The following HSD17B14 variants were observed in gnomAD, a reference collection of about 807,000 sequenced individuals.
HSD17B14 encodes L-fucose dehydrogenase.
A neutral mutation model predicts 32.2 loss-of-function variants in HSD17B14; 32 were observed. That is an observed-to-expected ratio of 0.99 (90% CI 0.75 to 1.33). The LOEUF is 1.33. Among genes scored for constraint, HSD17B14 ranks in the 40% most tolerant of loss-of-function variants. HSD17B14 has a pLI of 0.00. For synonymous variants in HSD17B14, 140 were observed against 155.4 expected, an observed-to-expected ratio of 0.90 and a Z score of 0.74; for missense variants, 370 against 366.5, an observed-to-expected ratio of 1.01 and a Z score of -0.08.
chr19:48,815,380 C>T (rs2035034573), intron 5 of HSD17B14, among the ~76,000 whole-genome samples: 1 of 152,154 alleles, frequency 6.6e-6, no homozygotes, highest in Non-Finnish European at 1.5e-5. Flanking sequence ...TCTCTCTCTT[C>T]TCCTCGGTCT....
intron 5 of HSD17B14, among the ~76,000 whole-genome samples, chr19:48,826,277 T>C (rs1267010621): frequency 6.6e-6 from 1 of 151,272 alleles, no homozygotes; most frequent in African/African-American, 2.4e-5. Flanking sequence ...CAGACCGCTA[T>C]AGCTCAGGAG....
chr19:48,826,993 T>G (rs2035261628), intron 5 of HSD17B14, among the ~76,000 whole-genome samples: 1 of 151,260 alleles, frequency 6.6e-6, no homozygotes, highest in African/African-American at 2.4e-5. Context: ...GGCAGCTCTG[T>G]CCGGTCAGTT....
Position 48,831,706 on chromosome 19 carries a change from G to A in HSD17B14, c.331C>T (p.Leu111=). The change falls in exon 5 of 9, where the codon CTG becomes TTG. Residue 111 remains leucine, a synonymous_variant. Coordinates refer to ENST00000263278, the MANE Select transcript of HSD17B14 (RefSeq NM_016246.3). ...ETSAQGFRQL[L]ELNLLGTYTL... is the part of the protein sequence containing the mutation. ...TACGTCCCCAGTAGGTTCAGCTCCA[G>A]CAGCTGGCGGAATCCCTGGGCAGAG... 6.2e-7 allele frequency: 1 copy of A among 1,613,946 alleles called. No individual in the cohort carries two copies. Among genetic ancestry groups the A allele is most frequent in the Non-Finnish European group, 8.5e-7 (1 of 1,179,934 alleles).
At chr19:48,820,175 A>G (rs1365618072) in intron 5 of HSD17B14, among the ~76,000 whole-genome samples, 3 of 151,730 alleles carry the variant, frequency 2.0e-5, no homozygotes, top group Admixed American at 6.6e-5. Flanking sequence ...AACAAACCGA[A>G]AAAGAACGTT....
chr19:48,831,893 C>A, intron 4 of HSD17B14, 134 bp from the exon 5 acceptor site: 1 of 605,058 alleles, frequency 1.7e-6, no homozygotes, highest in Admixed American at 3.0e-5. Flanking sequence ...ACCTGGCTGA[C>A]AGGGCAAAAC....
intron 6 of HSD17B14, 103 bp downstream of exon 6, chr19:48,814,934 A>G: frequency 3.8e-6 from 3 of 793,528 alleles, no homozygotes; most frequent in Non-Finnish European, 6.5e-6. Flanking sequence ...GAGACTTTCT[A>G]GGGCCAAGAT....
chr19:48,827,396 C>T (rs2035268375), intron 5 of HSD17B14, among the ~76,000 whole-genome samples: 1 of 151,978 alleles, frequency 6.6e-6, no homozygotes, highest in Non-Finnish European at 1.5e-5. Flanking sequence ...CAGGGCTCCG[C>T]ATGTTGCTGG....
In HSD17B14 at chr19:48,835,677, T is replaced by C. The variant is rs577587765; in HGVS notation, c.127+128A>G. 2.3e-4 allele frequency: 197 copies of C among 872,944 alleles called. No individual in the cohort carries two copies. The African/African-American group carries it at 3.0e-3, about 13-fold the overall frequency. The allele number at this position is 872,944 out of a possible 1,614,324, so 54.1% of individuals were successfully genotyped here. A position where few individuals can be genotyped will look rare whatever the true frequency, so the allele number is the denominator to read the frequency against. On this transcript the variant is annotated intron_variant, in intron 2 of 8. Coordinates refer to ENST00000263278, the MANE Select transcript of HSD17B14 (RefSeq NM_016246.3). Reference sequence around the variant, plus strand: ...AGGGAGGAGGGGCTGAGGTCTGGACTCCTGGGTCTGAGGAAGTAGGGCCTG... The same window carrying C: ...AGGGAGGAGGGGCTGAGGTCTGGACCCCTGGGTCTGAGGAAGTAGGGCCTG...
chr19:48,819,316 T>C (rs2035107708), intron 5 of HSD17B14, among the ~76,000 whole-genome samples: 1 of 151,946 alleles, frequency 6.6e-6, no homozygotes, highest in South Asian at 2.1e-4. Flanking sequence ...TAATACTGGT[T>C]CTCCCACTCT....
chr19:48,832,623 G>A, intron 4 of HSD17B14, 43 bp downstream of exon 4: 1 of 1,545,216 alleles, frequency 6.5e-7, no homozygotes, highest in Non-Finnish European at 8.9e-7. Flanking sequence ...AACAGAGTTG[G>A]GGGGCAGGAG....
intron 1 of HSD17B14, 39 bp from the exon 2 acceptor site, chr19:48,835,882 G>A (rs1356667507): frequency 6.2e-7 from 1 of 1,605,384 alleles, no homozygotes; most frequent in Admixed American, 1.7e-5. Flanking sequence ...TCCGAGCCTT[G>A]GTTAAAGCCT....
Position 48,816,208 on chromosome 19 carries a change from G to T in HSD17B14, c.370-1067C>A, listed in dbSNP as rs569716830. ...TTGATCTCGCTTGCCTTAGAAAGCT[G>T]AGCTGGCCAGGCAAGGCCTGTCCCT... On this transcript the variant is annotated intron_variant, in intron 5 of 8. Transcript: ENST00000263278. Among the ~76,000 whole-genome samples the T allele has an allele frequency of 1.2e-3, 189 of 152,074 alleles. 1 individual carries two copies. The highest frequency in any genetic ancestry group is 4.4e-3 in the African/African-American group (181 of 41,490).
rs966551365 is a variant in HSD17B14 at position 48,836,190 on chromosome 19, T to C, written c.88+134A>G. 13 of 927,580 alleles carry C rather than the reference T, an allele frequency of 1.4e-5. No homozygotes were observed. The South Asian group carries it at 1.9e-4, about 13-fold the overall frequency. 57.5% of individuals were successfully genotyped at this position (927,580 alleles called of 1,614,324 possible). On this transcript the variant is annotated intron_variant, in intron 1 of 8. Transcript: ENST00000263278. Reference sequence around the variant, plus strand: ...AGCCTACAGCGCCACACGCTTACTTTAGCCTGCAAATTGGCTTTTATAATA... The same window carrying C: ...AGCCTACAGCGCCACACGCTTACTTCAGCCTGCAAATTGGCTTTTATAATA...
chr19:48,816,783 C>CTTTCTTTCTTTCTTTCTTTCTT (rs1555775891), intron 5 of HSD17B14, among the ~76,000 whole-genome samples: 1 of 98,410 alleles, frequency 1.0e-5, no homozygotes, highest in African/African-American at 4.7e-5. Context: ...GACCCTTTTT[C>CTTTCTTTCTTTCTTTCTTTCTT]TTTCTTTCTT....
chr19:48,821,620 C>T (rs2035149411), intron 5 of HSD17B14, among the ~76,000 whole-genome samples: 1 of 151,404 alleles, frequency 6.6e-6, no homozygotes, highest in Admixed American at 6.6e-5. Context: ...AAAAAGAGAG[C>T]TTCTATGGGA....
rs747556163 is a variant in HSD17B14 at position 48,815,049 on chromosome 19, A to T, written c.462T>A (p.Tyr154Ter). 6.2e-7 allele frequency: 1 copy of T among 1,613,662 alleles called. No individual in the cohort carries two copies. Among genetic ancestry groups the T allele is most frequent in the South Asian group, 1.1e-5 (1 of 91,068 alleles). Residue 154 changes from tyrosine (Y) to a stop codon, truncating the protein, a stop_gained, in exon 6 of 9, where the codon TAT becomes TAA. Transcript: ENST00000263278. LOFTEE classifies it high-confidence loss of function. ...GGGGCTGCCATACCTTGGTGGCCAC[A>T]TAGGGAACTGCCTGGGCCTGGCCGA... ...GAIGQAQAVP[Y>*]VATKGAVTAM...
rs777473902 is a variant in HSD17B14 at position 48,813,475 on chromosome 19, C to T, written c.620G>A (p.Arg207Gln). The change falls in exon 8 of 9, where the codon CGA becomes CAA. Residue 207 changes from arginine to glutamine, a missense_variant. Transcript: ENST00000263278. ...ALMPDPRATI[R>Q]EGMLAQPLGR... ...TTCTACCTGGGCCAGCATGCCCTCT[C>T]GGATTGTGGCCCTAGGGTCTGGCAT... is the stretch of plus-strand genomic sequence containing the variant. 15 of 1,613,052 alleles carry T rather than the reference C, an allele frequency of 9.3e-6. No individual in the cohort carries two copies. Among genetic ancestry groups the T allele is most frequent in the East Asian group, 4.5e-5 (2 of 44,868 alleles).
At chr19:48,821,395 C>G (rs1419612254) in intron 5 of HSD17B14, among the ~76,000 whole-genome samples, 2 of 152,166 alleles carry the variant, frequency 1.3e-5, no homozygotes, top group Non-Finnish European at 2.9e-5. Context: ...TTCTGTGGAT[C>G]CCTACTGCCC....
chr19:48,823,786 C>G (rs1179713139), intron 5 of HSD17B14, among the ~76,000 whole-genome samples: 1 of 150,680 alleles, frequency 6.6e-6, no homozygotes, highest in Non-Finnish European at 1.5e-5. Flanking sequence ...TACAGGTATG[C>G]GCCACCCTGC....
Sources: gnomAD v4.1 joint callset for allele counts (sites outside exome capture counted in the v4.1 genomes callset) on GRCh38, gnomAD v4.1.1 for gene constraint, MANE v1.5 for transcripts, NCBI Gene and HGNC (gene_info 2026-07-23, HGNC 2026-07-21) for gene names.